Variants in MELK observed in about 807,000 individuals in gnomAD.
MELK encodes maternal embryonic leucine zipper kinase.
A neutral mutation model predicts 85.0 loss-of-function variants in MELK; 81 were observed. The observed-to-expected ratio is 0.95, with a 90% CI of 0.80 to 1.15. The LOEUF (loss-of-function observed/expected upper bound fraction) is 1.15, where lower values mean the gene tolerates loss of function less well. MELK is among the 50% of genes most tolerant of loss of function. The pLI is 0.00. For synonymous variants in MELK, 252 were observed against 265.0 expected (o/e 0.95, Z 0.48); for missense variants, 754 against 777.5 (o/e 0.97, Z 0.36).
intron 13 of MELK, among the ~76,000 whole-genome samples, chr9:36,660,208 A>G (rs557126514): frequency 5.9e-5 from 9 of 152,290 alleles, no homozygotes; most frequent in Non-Finnish European, 1.2e-4. Context: ...TTTCCAATTC[A>G]CTGTGGACAT....
At chr9:36,608,644 C>T (rs551067460) in intron 8 of MELK, among the ~76,000 whole-genome samples, 10 of 151,716 alleles carry the variant, frequency 6.6e-5, no homozygotes, top group African/African-American at 9.7e-5. Context: ...TGCAATGGTG[C>T]GATCTTGGCT....
chr9:36,604,798 G>A (rs1164197617), intron 7 of MELK, among the ~76,000 whole-genome samples: 1 of 151,430 alleles, frequency 6.6e-6, no homozygotes, highest in Non-Finnish European at 1.5e-5. Context: ...CATGTACCAC[G>A]CCGCCTGGCA....
At chr9:36,603,415 C>A (rs868033672) in intron 7 of MELK, among the ~76,000 whole-genome samples, 1 of 151,928 alleles carries the variant, frequency 6.6e-6, no homozygotes, top group African/African-American at 2.4e-5. Flanking sequence ...TTTCAGTTCT[C>A]TCTTCCTCCC....
intron 5 of MELK, among the ~76,000 whole-genome samples, chr9:36,596,493 G>A (rs561176559): frequency 3.3e-5 from 5 of 151,810 alleles, no homozygotes; most frequent in South Asian, 2.1e-4. Context: ...TCCTGACCTC[G>A]TGATCCACCC....
intron 3 of MELK, among the ~76,000 whole-genome samples, chr9:36,585,594 A>G (rs1478129049): frequency 2.0e-5 from 3 of 152,064 alleles, no homozygotes; most frequent in Non-Finnish European, 4.4e-5. Context: ...GGTGTGAGCT[A>G]CCACTCCCAG....
Position 36,614,609 on chromosome 9 carries a change from A to G in MELK, c.666+6936A>G, listed in dbSNP as rs1313813437. ...GCCTTCCGCAGTGTTTGTGTCCCTGATTACTTGAGATTAGGGATTGGTGAT... is the reference window on the plus strand; with the variant it reads ...GCCTTCCGCAGTGTTTGTGTCCCTGGTTACTTGAGATTAGGGATTGGTGAT... On this transcript the variant is annotated intron_variant, in intron 8 of 17. Coordinates refer to ENST00000298048, the MANE Select transcript of MELK (RefSeq NM_014791.4). 3.0e-4 allele frequency among the ~76,000 whole-genome samples: 35 copies of G among 117,722 alleles called. No individual in the cohort carries two copies. The South Asian group carries it at 5.9e-3, about 20-fold the overall frequency. 77.2% of individuals were successfully genotyped at this position (117,722 alleles called of 152,430 possible).
chr9:36,611,778 A>ATTATTAT (rs982886838), intron 8 of MELK, among the ~76,000 whole-genome samples: 8 of 149,724 alleles, frequency 5.3e-5, no homozygotes, highest in African/African-American at 2.0e-4. Flanking sequence ...TATTATTATT[A>ATTATTAT]TTATTATTAT....
At chr9:36,596,814 G>C (rs10814409) in intron 5 of MELK, among the ~76,000 whole-genome samples, 21,749 of 150,122 alleles carry the variant, frequency 0.14, 1,861 homozygotes, top group African/African-American at 0.24. Flanking sequence ...TCGAACTCCT[G>C]ACCTCAGGTG....
At chr9:36,623,615 A>G (rs1827655547) in intron 8 of MELK, among the ~76,000 whole-genome samples, 1 of 152,214 alleles carries the variant, frequency 6.6e-6, no homozygotes, top group Admixed American at 6.5e-5. Flanking sequence ...GTACCTTACC[A>G]GACAATCCTG....
rs540701511 is a variant in MELK, at chr9:36,582,598, A to G, written c.58+859A>G. Among the ~76,000 whole-genome samples the G allele has an allele frequency of 2.0e-5, 3 of 152,334 alleles. No homozygotes were observed. In the South Asian group the frequency reaches 6.2e-4, roughly 32 times the overall value. On this transcript the variant is annotated intron_variant, in intron 2 of 17. Transcript: ENST00000298048. ...AAAATATGCAAAGTGCAATAATCTC[A>G]GTGGAGTTTTACACATATATATGTA...
chr9:36,616,327 G>A (rs1174132796), intron 8 of MELK, among the ~76,000 whole-genome samples: 8 of 151,632 alleles, frequency 5.3e-5, no homozygotes. Flanking sequence ...TTGGATGAGG[G>A]GAGTAACCCG....
At chr9:36,632,293 G>T (rs1002155869) in intron 9 of MELK, among the ~76,000 whole-genome samples, 8 of 152,148 alleles carry the variant, frequency 5.3e-5, no homozygotes, top group Non-Finnish European at 1.2e-4. Context: ...TGAAGCCTAG[G>T]TAAGCACTCT....
At chr9:36,654,950 C>T (rs1026527891) in intron 12 of MELK, among the ~76,000 whole-genome samples, 1 of 152,054 alleles carries the variant, frequency 6.6e-6, no homozygotes, top group African/African-American at 2.4e-5. Flanking sequence ...CTGTTCTTCC[C>T]CTTGATAGAA....
chr9:36,617,969 T>TA (rs951076426), intron 8 of MELK, among the ~76,000 whole-genome samples: 13 of 148,894 alleles, frequency 8.7e-5, no homozygotes, highest in South Asian at 2.1e-4. Flanking sequence ...CTACAAAAAA[T>TA]AAAAAAAAAA....
chr9:36,574,430 C>CAAAAAA (rs78915626), intron 1 of MELK, among the ~76,000 whole-genome samples: 32 of 79,882 alleles, frequency 4.0e-4, no homozygotes, highest in African/African-American at 1.1e-3. Flanking sequence ...ACTAAAAATA[C>CAAAAAA]AAAAAAAAAA....
At chr9:36,673,551 C>T (rs1045194606) in intron 16 of MELK, among the ~76,000 whole-genome samples, 3 of 152,134 alleles carry the variant, frequency 2.0e-5, no homozygotes, top group Non-Finnish European at 4.4e-5. Context: ...GCCTCAGCTT[C>T]CTGAGTAGCT....
intron 8 of MELK, among the ~76,000 whole-genome samples, chr9:36,622,355 T>G (rs1827528313): frequency 1.3e-5 from 2 of 152,208 alleles, no homozygotes; most frequent in African/African-American, 4.8e-5. Flanking sequence ...GTTCTAAAAT[T>G]CCTCACTTGG....
chr9:36,633,009 C>T, intron 9 of MELK, 93 bp from the exon 10 acceptor site: 1 of 846,642 alleles, frequency 1.2e-6, no homozygotes, highest in Non-Finnish European at 1.9e-6. Flanking sequence ...AAGTTTACAT[C>T]TGTTCTGATG....
chr9:36,662,463 C>T (rs1831948965), intron 13 of MELK, among the ~76,000 whole-genome samples: 1 of 151,930 alleles, frequency 6.6e-6, no homozygotes. Context: ...AGGCTGGTCT[C>T]GAACTCCTGA....
Sources: gnomAD v4.1 joint callset for allele counts (sites outside exome capture counted in the v4.1 genomes callset) on GRCh38, gnomAD v4.1.1 for gene constraint, MANE v1.5 for transcripts, NCBI Gene and HGNC (gene_info 2026-07-23, HGNC 2026-07-21) for gene names.